Variants in TBP observed in about 807,000 individuals in gnomAD.
TBP encodes the protein TATA-box-binding protein.
In TBP, 12 loss-of-function variants were observed where a neutral mutation model predicts 46.2. The ratio of observed to expected loss-of-function variants is 0.26; its 90% confidence interval spans 0.17 to 0.42. The LOEUF is 0.42. Among genes scored for constraint, TBP ranks in the 10% least tolerant of loss-of-function variants. The pLI is 1.00. For missense variants in TBP, 229 were observed against 403.1 expected (o/e 0.57, Z 3.70); for synonymous variants, 157 against 148.3 (o/e 1.06, Z -0.42).
chr6:170,565,151 G>A (rs1017971770), intron 4 of TBP, among the ~76,000 whole-genome samples: 10 of 151,636 alleles, frequency 6.6e-5, no homozygotes, highest in Admixed American at 2.0e-4. Flanking sequence ...GCGAGACTCC[G>A]CCTCAAAAAA....
rs941287680 is a variant in TBP at position 170,562,127 on chromosome 6, C to A, written c.391C>A (p.Pro131Thr). 6.2e-7 allele frequency: 1 copy of A among 1,614,208 alleles called. No individual in the cohort carries two copies. The highest frequency in any genetic ancestry group is 2.2e-5 in the East Asian group (1 of 44,888). ...CCACTCACAGACTCTCACAACTGCA[C>A]CCTTGCCGGGCACCACTCCACTGTA... is the stretch of plus-strand genomic sequence containing the variant. ...LFHSQTLTTA[P>T]LPGTTPLYPS... The change falls in exon 3 of 8, where the codon CCC becomes ACC. Residue 131 changes from proline to threonine, a missense_variant. Transcript: ENST00000392092.
intron 3 of TBP, among the ~76,000 whole-genome samples, chr6:170,564,113 T>C (rs1779199116): frequency 6.6e-6 from 1 of 152,190 alleles, no homozygotes. Flanking sequence ...TCATGCCTGC[T>C]TGTTTTCATT....
chr6:170,567,014 C>T lies in TBP; in HGVS notation c.677+5C>T. 6.2e-7 allele frequency: 1 copy of T among 1,611,330 alleles called. No individual in the cohort carries two copies. The highest frequency in any genetic ancestry group is 8.5e-7 in the Non-Finnish European group (1 of 1,178,442). On this transcript the variant is annotated splice_donor_5th_base_variant and intron_variant, in intron 5 of 7. Coordinates refer to ENST00000392092, the MANE Select transcript of TBP (RefSeq NM_003194.5). ...GGTGTGCACAGGAGCCAAGAGGTAG[C>T]CGTAAGAAATTCATTCTTCTGGTCT...
intron 4 of TBP, among the ~76,000 whole-genome samples, chr6:170,564,976 G>A (rs960315834): frequency 1.3e-5 from 2 of 152,110 alleles, no homozygotes; most frequent in Non-Finnish European, 2.9e-5. Flanking sequence ...GGCCAACATA[G>A]TGAAACCCCG....
Position 170,562,052 on chromosome 6 carries a change from A to C in TBP, c.316A>C (p.Thr106Pro), listed in dbSNP as rs148074761. ...AVAAAAVQQS[T>P]SQQATQGTSG... ...GGCAGCTGCAGCCGTTCAGCAGTCA[A>C]CGTCCCAGCAGGCAACACAGGGAAC... Residue 106 changes from threonine to proline, a missense_variant, in exon 3 of 8, where the codon ACG (threonine) becomes CCG (proline). This residue lies in a region of TBP where 69 missense variants were observed against 66.2 expected (regional missense o/e 1.04). Coordinates refer to ENST00000392092, the MANE Select transcript of TBP (RefSeq NM_003194.5). The C allele has an allele frequency of 1.9e-6, 3 of 1,613,548 alleles. No individual in the cohort carries two copies. Among genetic ancestry groups the C allele is most frequent in the African/African-American group, 2.7e-5 (2 of 74,798 alleles).
intron 1 of TBP, among the ~76,000 whole-genome samples, chr6:170,555,300 C>T (rs1778996461): frequency 6.6e-6 from 1 of 152,186 alleles, no homozygotes; most frequent in Non-Finnish European, 1.5e-5. Context: ...ATTCCTGAAA[C>T]GAAACTTCCG....
chr6:170,571,515 A>G lies in TBP; in HGVS notation c.940+11A>G, dbSNP rs759404487. 1.3e-6 allele frequency: 2 copies of G among 1,582,800 alleles called. No individual in the cohort carries two copies. Among genetic ancestry groups the G allele is most frequent in the East Asian group, 4.5e-5 (2 of 44,724 alleles). On this transcript the variant is annotated intron_variant, in intron 7 of 7. Coordinates refer to ENST00000392092, the MANE Select transcript of TBP (RefSeq NM_003194.5). ...AAGTTGTATTAACAGGTAAGTTGTA[A>G]CAGGAAGTAGTATCTGAAAGTTTGT...
rs1269326640 is a variant in TBP, at chr6:170,566,996, A to G, written c.664A>G (p.Thr222Ala). 1.2e-6 allele frequency: 2 copies of G among 1,613,502 alleles called. No individual in the cohort carries two copies. Among genetic ancestry groups the G allele is most frequent in the Non-Finnish European group, 1.7e-6 (2 of 1,179,706 alleles). The change falls in exon 5 of 8, where the codon ACA becomes GCA. Residue 222 changes from threonine to alanine, a missense_variant. Physicochemically the swap from Thr to Ala is moderately conservative, Grantham distance 58. Coordinates refer to ENST00000392092, the MANE Select transcript of TBP (RefSeq NM_003194.5). ...TTTCAGTTCTGGGAAAATGGTGTGC[A>G]CAGGAGCCAAGAGGTAGCCGTAAGA... is the stretch of plus-strand genomic sequence containing the variant. The part of the protein sequence containing the change: ...LIFSSGKMVC[T>A]GAKSEEQSRL...
At chr6:170,561,767 T>C in intron 2 of TBP, 24 bp from the exon 3 acceptor site, 2 of 1,599,722 alleles carry the variant, frequency 1.3e-6, no homozygotes, top group Non-Finnish European at 1.7e-6. Context: ...CAGCCTAACC[T>C]GTTTTTCTCC....
chr6:170,554,759 A>G (rs1270820289), intron 1 of TBP: 2 of 152,244 alleles, frequency 1.3e-5, no homozygotes, highest in South Asian at 2.1e-4. Flanking sequence ...CCTTGCATCG[A>G]AGACCCTAAG....
In TBP at chr6:170,560,761, G is replaced by T. The variant is rs186391157; in HGVS notation, c.55-1030G>T. 5.2e-4 allele frequency among the ~76,000 whole-genome samples: 79 copies of T among 152,320 alleles called. 3 individuals carry two copies. The East Asian group carries it at 8.5e-3, about 16-fold the overall frequency. ...GAATTAGAAGTGAACCTGAAGATGT[G>T]ACTGAATTGCTGCAATTTTTTGATA... is the stretch of plus-strand genomic sequence containing the variant. On this transcript the variant is annotated intron_variant, in intron 2 of 7. Transcript: ENST00000392092.
intron 2 of TBP, among the ~76,000 whole-genome samples, chr6:170,559,219 G>A (rs1317857107): frequency 6.6e-6 from 1 of 152,142 alleles, no homozygotes; most frequent in African/African-American, 2.4e-5. Flanking sequence ...TTTTAATTAA[G>A]TGTTCAGATG....
In TBP at chr6:170,572,260, A is replaced by G; in HGVS notation, c.1015A>G (p.Thr339Ala). Residue 339 changes from threonine to alanine, a missense_variant, in exon 8 of 8, where the codon ACG becomes GCG. By Grantham distance (58) the Thr-to-Ala change is moderately conservative (BLOSUM62 0). Around this residue, in one of 4 missense-constraint regions of TBP, gnomAD observed 44 missense variants for 54.1 expected, o/e 0.81. Transcript: ENST00000392092. ...YPILKGFRKT[T>A] ...TATTCTAAAGGGATTCAGGAAGACGACGTAATGGCTCTCATGTACCCTTGC... is the reference window on the plus strand; with the variant it reads ...TATTCTAAAGGGATTCAGGAAGACGGCGTAATGGCTCTCATGTACCCTTGC... 6.2e-7 allele frequency: 1 copy of G among 1,612,890 alleles called. No homozygotes were observed. The highest frequency in any genetic ancestry group is 8.5e-7 in the Non-Finnish European group (1 of 1,179,206).
chr6:170,561,892 G>A lies in TBP; in HGVS notation c.156G>A (p.Leu52=). The A allele has an allele frequency of 1.9e-6, 3 of 1,613,848 alleles. No homozygotes were observed. Among genetic ancestry groups the A allele is most frequent in the Non-Finnish European group, 2.5e-6 (3 of 1,180,032 alleles). Residue 52 remains leucine, a synonymous_variant, in exon 3 of 8, where the codon TTG becomes TTA. Transcript: ENST00000392092. The part of the protein sequence containing the change: ...PIQNTNSLSI[L]EEQQRQQQQQ... ...AGAACACCAATAGTCTGTCTATTTT[G>A]GAAGAGCAACAAAGGCAGCAGCAGC...
At chr6:170,567,107 A>G (rs535965555) in intron 5 of TBP, 98 bp downstream of exon 5, 755 of 703,288 alleles carry the variant, frequency 1.1e-3, no homozygotes, top group Non-Finnish European at 1.4e-3. Flanking sequence ...TTAACATGTT[A>G]TTATTGCTTT....
chr6:170,569,450 T>C (rs765304454), intron 5 of TBP, among the ~76,000 whole-genome samples, 162 bp from the exon 6 acceptor site: 5 of 152,230 alleles, frequency 3.3e-5, no homozygotes, highest in African/African-American at 4.8e-5. Flanking sequence ...GAATACTTTA[T>C]AAGGAATTGT....
intron 2 of TBP, 67 bp downstream of exon 2, chr6:170,557,150 G>C: frequency 7.2e-7 from 1 of 1,388,824 alleles, no homozygotes; most frequent in Non-Finnish European, 1.0e-6. Flanking sequence ...GTATCAAAAG[G>C]CAAGGAAGGG....
chr6:170,558,685 CTTTTTTTTTGTA>C (rs1779080108), intron 2 of TBP, among the ~76,000 whole-genome samples: 1 of 143,728 alleles, frequency 7.0e-6, no homozygotes, highest in Non-Finnish European at 1.5e-5. Flanking sequence ...TTTTTTTTTT[CTTTTTTTTTGTA>C]TTTTTTTTTT....
At chr6:170,560,684 G>A (rs1206897474) in intron 2 of TBP, among the ~76,000 whole-genome samples, 1 of 152,200 alleles carries the variant, frequency 6.6e-6, no homozygotes, top group East Asian at 1.9e-4. Flanking sequence ...AGAGGTTCTA[G>A]ACTTCAGTGC....
Sources: gnomAD v4.1 joint callset for allele counts (sites outside exome capture counted in the v4.1 genomes callset) on GRCh38, gnomAD v4.1.1 for gene constraint, gnomAD v4.1.1 regional missense constraint, MANE v1.5 for transcripts, NCBI Gene and HGNC (gene_info 2026-07-23, HGNC 2026-07-21) for gene names.